GRID1: variants seen among roughly 807,000 people sequenced by gnomAD.
GRID1 encodes glutamate receptor ionotropic, delta-1.
A neutral mutation model predicts 98.0 loss-of-function variants in GRID1; 28 were observed. That is an observed-to-expected ratio of 0.29 (90% CI 0.21 to 0.39). The LOEUF (loss-of-function observed/expected upper bound fraction) is 0.39. Among genes scored for constraint, GRID1 ranks in the 10% least tolerant of loss-of-function variants. GRID1 has a pLI of 1.00. For synonymous variants in GRID1, 553 were observed against 538.5 expected (o/e 1.03, Z -0.37); for missense variants, 1,111 against 1,340.5 (o/e 0.83, Z 2.67).
At chr10:86,239,660 T>G (rs867954201) in intron 2 of GRID1, among the ~76,000 whole-genome samples, 21 of 152,206 alleles carry the variant, frequency 1.4e-4, no homozygotes, top group African/African-American at 4.8e-4. Context: ...TCACAAAATC[T>G]GGTTGTTTAA....
At chr10:86,150,832 G>C (rs1845157308) in intron 3 of GRID1, among the ~76,000 whole-genome samples, 1 of 152,184 alleles carries the variant, frequency 6.6e-6, no homozygotes. Flanking sequence ...CACACTGAGA[G>C]AAGATGGCCA....
intron 2 of GRID1, among the ~76,000 whole-genome samples, chr10:86,316,027 C>A (rs1847894165): frequency 6.6e-6 from 1 of 152,212 alleles, no homozygotes; most frequent in African/African-American, 2.4e-5. Flanking sequence ...CACCTATTCA[C>A]CTACCTACAC....
intron 8 of GRID1, among the ~76,000 whole-genome samples, chr10:85,828,828 C>A (rs185011659): frequency 2.6e-5 from 4 of 152,040 alleles, no homozygotes; most frequent in African/African-American, 9.7e-5. Flanking sequence ...AGCCTACCAA[C>A]CAGAAAAAGC....
chr10:85,629,690 A>G (rs947866376), intron 13 of GRID1, among the ~76,000 whole-genome samples: 12 of 152,224 alleles, frequency 7.9e-5, no homozygotes, highest in African/African-American at 2.9e-4. Context: ...TAAACATATA[A>G]CTACAGTTAT....
At chr10:85,605,286 G>C (rs1015320354) in intron 15 of GRID1, 6 of 152,238 alleles carry the variant, frequency 3.9e-5, no homozygotes, top group Non-Finnish European at 8.8e-5. Flanking sequence ...ATTTCAAAAT[G>C]TATGAAGGGC....
intron 4 of GRID1, among the ~76,000 whole-genome samples, chr10:86,005,458 A>G (rs1248339014): frequency 6.6e-6 from 1 of 152,258 alleles, no homozygotes; most frequent in African/African-American, 2.4e-5. Context: ...CTACTGGTTA[A>G]TCATGTAGAT....
chr10:85,825,473 C>T (rs1842811182), intron 8 of GRID1, among the ~76,000 whole-genome samples: 2 of 151,858 alleles, frequency 1.3e-5, no homozygotes, highest in African/African-American at 4.8e-5. Context: ...ATATTTTCTC[C>T]CATTCTGTGG....
intron 2 of GRID1, among the ~76,000 whole-genome samples, chr10:86,314,451 C>A (rs1300469437): frequency 2.0e-5 from 3 of 152,242 alleles, no homozygotes; most frequent in Non-Finnish European, 4.4e-5. Context: ...GCCTCCCTGA[C>A]CCCTCAGGGT....
intron 2 of GRID1, among the ~76,000 whole-genome samples, chr10:86,217,658 T>C (rs1023598796): frequency 6.6e-6 from 1 of 152,140 alleles, no homozygotes; most frequent in Non-Finnish European, 1.5e-5. Context: ...TTGGTGCTCC[T>C]GTAAGCAACA....
chr10:85,675,227 G>C (rs187722622), intron 12 of GRID1, among the ~76,000 whole-genome samples: 59 of 152,340 alleles, frequency 3.9e-4, no homozygotes, highest in Admixed American at 2.5e-3. Context: ...GCACACACGT[G>C]AGCTATGCAG....
At position 86,249,161 on chromosome 10, in the gene GRID1, G is replaced by A. The variant is rs542995693; in HGVS notation, c.236-42513C>T. 9.4e-4 allele frequency among the ~76,000 whole-genome samples: 143 copies of A among 152,306 alleles called. 1 individual carries two copies. The highest frequency in any genetic ancestry group is 3.1e-3 in the African/African-American group (130 of 41,566). On this transcript the variant is annotated intron_variant, in intron 2 of 15. Coordinates refer to ENST00000327946, the MANE Select transcript of GRID1 (RefSeq NM_017551.3). ...ACAGCCACGATGCCTGGAAAGCCAC[G>A]ATTAGGTGGGGAGAGGGTCCCATAC...
At chr10:85,719,681 T>C (rs1251323568) in intron 12 of GRID1, among the ~76,000 whole-genome samples, 1 of 152,096 alleles carries the variant, frequency 6.6e-6, no homozygotes, top group Non-Finnish European at 1.5e-5. Context: ...GTGGGAATTC[T>C]GGGAAATATA....
At chr10:85,859,273 A>T (rs1412683090) in intron 6 of GRID1, among the ~76,000 whole-genome samples, 1 of 152,226 alleles carries the variant, frequency 6.6e-6, no homozygotes, top group Non-Finnish European at 1.5e-5. Flanking sequence ...AGACACATGT[A>T]TGCACAAATG....
intron 8 of GRID1, among the ~76,000 whole-genome samples, chr10:85,791,714 T>C (rs777007744): frequency 1.4e-4 from 21 of 152,126 alleles, no homozygotes; most frequent in Non-Finnish European, 2.1e-4. Flanking sequence ...AGATTAATAG[T>C]TCAGGCAAAT....
intron 8 of GRID1, among the ~76,000 whole-genome samples, chr10:85,812,990 A>G (rs1029342215): frequency 2.0e-5 from 3 of 151,796 alleles, no homozygotes; most frequent in African/African-American, 4.8e-5. Context: ...AAACTCATGT[A>G]TTGCTTTATA....
chr10:85,783,639 G>A (rs2949385), intron 8 of GRID1, among the ~76,000 whole-genome samples: 1 of 151,894 alleles, frequency 6.6e-6, no homozygotes. Context: ...AAAACACTTC[G>A]TCCTTGTGTC....
intron 4 of GRID1, among the ~76,000 whole-genome samples, chr10:85,979,239 G>A (rs772103201): frequency 3.8e-4 from 58 of 152,060 alleles, no homozygotes; most frequent in Non-Finnish European, 7.5e-4. Context: ...GGAGAGGTCT[G>A]ACCACCACCT....
chr10:86,004,617 C>T (rs954939356), intron 4 of GRID1, among the ~76,000 whole-genome samples: 3 of 152,098 alleles, frequency 2.0e-5, no homozygotes, highest in African/African-American at 7.2e-5. Flanking sequence ...GCATTATTGG[C>T]CCTCTCCTGG....
intron 13 of GRID1, among the ~76,000 whole-genome samples, chr10:85,621,588 A>C (rs1257535665): frequency 6.6e-6 from 1 of 152,084 alleles, no homozygotes; most frequent in African/African-American, 2.4e-5. Context: ...CATTCAGACA[A>C]TTTTGCCCAA....
Sources: gnomAD v4.1 joint callset for allele counts (sites outside exome capture counted in the v4.1 genomes callset) on GRCh38, gnomAD v4.1.1 for gene constraint, MANE v1.5 for transcripts, NCBI Gene and HGNC (gene_info 2026-07-23, HGNC 2026-07-21) for gene names.